Variants in SPEN observed in about 807,000 individuals in gnomAD.
SPEN encodes spen family transcriptional repressor, also known as msx2-interacting protein.
A neutral mutation model predicts 269.9 loss-of-function variants in SPEN; 18 were observed. The ratio of observed to expected loss-of-function variants is 0.07; its 90% confidence interval spans 0.05 to 0.10. The LOEUF (loss-of-function observed/expected upper bound fraction) is 0.10. Among genes scored for constraint, SPEN ranks in the 10% least tolerant of loss-of-function variants. The probability of loss-of-function intolerance (pLI) is 1.00; values close to 1 mark genes in which losing one functional copy is unlikely to be tolerated. For synonymous variants in SPEN, 1,726 were observed against 1,765.7 expected (o/e 0.98, Z 0.56); for missense variants, 3,822 against 4,631.2 (o/e 0.83, Z 5.07).
intron 3 of SPEN, among the ~76,000 whole-genome samples, chr1:15,884,024 A>T (rs571698282): frequency 1.3e-4 from 20 of 151,966 alleles, no homozygotes; most frequent in Non-Finnish European, 2.6e-4. Context: ...GTTAGCCAGG[A>T]TGGTCTCGAT....
rs761875344 is a variant in SPEN, at chr1:15,876,661, T to C, written c.864T>C (p.Ser288=). ...SSSSDSISSS[S]STSSDSSDSS... ...GTAGTGATTCAATCAGCAGCAGCAG[T>C]AGTACCAGCAGTGACAGGTAGGTTA... Residue 288 remains serine (S), a synonymous_variant, in exon 3 of 15, where the codon AGT becomes AGC. Coordinates refer to ENST00000375759, the MANE Select transcript of SPEN (RefSeq NM_015001.3). 1 of 1,612,668 alleles carries C rather than the reference T, an allele frequency of 6.2e-7. No individual in the cohort carries two copies. Among genetic ancestry groups the C allele is most frequent in the South Asian group, 1.1e-5 (1 of 91,062 alleles).
chr1:15,889,741 TCTCA>T (rs1051844445), intron 3 of SPEN, among the ~76,000 whole-genome samples: 21 of 151,998 alleles, frequency 1.4e-4, no homozygotes, highest in African/African-American at 4.6e-4. Context: ...TGAGATGGAG[TCTCA>T]CTCTGTTGCC....
At position 15,931,707 on chromosome 1, in the gene SPEN, C is replaced by G. The variant is rs895443307; in HGVS notation, c.5467C>G (p.Arg1823Gly). The change falls in exon 11 of 15, where the codon CGT (arginine) becomes GGT (glycine). Residue 1823 changes from arginine to glycine, a missense_variant. Coordinates refer to ENST00000375759, the MANE Select transcript of SPEN (RefSeq NM_015001.3). This position sits in a 1 kb window ranked among gnomAD's most constrained non-coding sequence, Gnocchi z 4.8. Reference protein sequence around the residue: ...AKDKKPNKSKRSKTPVQAAAV... With the variant: ...AKDKKPNKSKGSKTPVQAAAV... ...GGATAAAAAGCCAAACAAAAGCAAG[C>G]GTTCAAAGACCCCTGTTCAGGCAGC... is the stretch of plus-strand genomic sequence containing the variant. 1 of 1,614,134 alleles carries G rather than the reference C, an allele frequency of 6.2e-7. No individual in the cohort carries two copies. The highest frequency in any genetic ancestry group is 1.7e-5 in the Admixed American group (1 of 60,014).
At position 15,920,871 on chromosome 1, in the gene SPEN, T is replaced by G. The variant is rs1352882816; in HGVS notation, c.1637T>G (p.Val546Gly). The change falls in exon 9 of 15, where the codon GTG (valine) becomes GGG (glycine). Residue 546 changes from valine (V) to glycine (G), a missense_variant and splice_region_variant. Around this residue, in one of 16 missense-constraint regions of SPEN, gnomAD observed 230 missense variants for 426.1 expected, o/e 0.54. Coordinates refer to ENST00000375759, the MANE Select transcript of SPEN (RefSeq NM_015001.3). ...GTTTTTTGTTTGTTTGTTTTACAGG[T>G]GGTGTTTGACCGCTTAAAAGGCATG... is the stretch of plus-strand genomic sequence containing the variant. Reference protein sequence around the residue: ...HFCRYGPVVKVVFDRLKGMAL... With the variant: ...HFCRYGPVVKGVFDRLKGMAL... The G allele has an allele frequency of 6.3e-7, 1 of 1,588,502 alleles. No individual in the cohort carries two copies. The highest frequency in any genetic ancestry group is 1.4e-5 in the African/African-American group (1 of 73,926).
At chr1:15,890,783 C>A (rs1233504551) in intron 3 of SPEN, among the ~76,000 whole-genome samples, 1 of 152,172 alleles carries the variant, frequency 6.6e-6, no homozygotes, top group Non-Finnish European at 1.5e-5. Flanking sequence ...GCTCTCCATT[C>A]TTTTTCTCCC....
intron 3 of SPEN, among the ~76,000 whole-genome samples, chr1:15,885,840 C>T (rs546122956): frequency 6.6e-6 from 1 of 152,280 alleles, no homozygotes; most frequent in South Asian, 2.1e-4. Context: ...AGACAAACTG[C>T]AGAGGTCACT....
chr1:15,870,941 CTA>C (rs1438191886), intron 1 of SPEN, among the ~76,000 whole-genome samples: 2 of 152,148 alleles, frequency 1.3e-5, no homozygotes, highest in African/African-American at 4.8e-5. Flanking sequence ...GGCTAGGGAT[CTA>C]TGTTTTGTTC....
intron 1 of SPEN, among the ~76,000 whole-genome samples, chr1:15,855,641 A>C (rs2070378939): frequency 6.6e-6 from 1 of 151,946 alleles, no homozygotes; most frequent in Non-Finnish European, 1.5e-5. Context: ...GGGCGGGCGG[A>C]TCATGAGGTC....
In SPEN at chr1:15,911,093, G is replaced by T; in HGVS notation, c.1043-8G>T. ...GAATTAATAACTTGGTTTTTTTTGG[G>T]AATTTAGATACAAGCCTTAAAGATG... On this transcript the variant is annotated splice_polypyrimidine_tract_variant and splice_region_variant and intron_variant, in intron 4 of 14. Coordinates refer to ENST00000375759, the MANE Select transcript of SPEN (RefSeq NM_015001.3). 1 of 1,587,980 alleles carries T rather than the reference G, an allele frequency of 6.3e-7. No individual in the cohort carries two copies. Among genetic ancestry groups the T allele is most frequent in the South Asian group, 1.2e-5 (1 of 85,632 alleles).
chr1:15,898,558 C>CTTTTTTTCT (rs2070864564), intron 3 of SPEN, among the ~76,000 whole-genome samples: 7 of 131,960 alleles, frequency 5.3e-5, no homozygotes, highest in Non-Finnish European at 1.1e-4. Flanking sequence ...TTCTTTTTTT[C>CTTTTTTTCT]TTTTTTTTTT....
intron 1 of SPEN, among the ~76,000 whole-genome samples, chr1:15,854,567 G>A (rs768595237): frequency 2.0e-5 from 3 of 151,700 alleles, no homozygotes; most frequent in African/African-American, 7.3e-5. Context: ...GGCTCACCGC[G>A]ACCTCTGCCT....
rs1273816927 is a variant in SPEN at position 15,909,448 on chromosome 1, A to C, written c.1009A>C (p.Ile337Leu). ...EKDEPRKSFG[I>L]KVQNLPVRST... ...AGATGAGCCCCGTAAAAGTTTTGGC[A>C]TCAAGGTCCAGAATCTTCCAGTACG... Residue 337 changes from isoleucine to leucine, a missense_variant, in exon 4 of 15, where the codon ATC becomes CTC. This residue lies in a region of SPEN where 230 missense variants were observed against 426.1 expected (regional missense o/e 0.54). Transcript: ENST00000375759. 1 of 1,614,094 alleles carries C rather than the reference A, an allele frequency of 6.2e-7. No individual in the cohort carries two copies. The highest frequency in any genetic ancestry group is 8.5e-7 in the Non-Finnish European group (1 of 1,180,048).
chr1:15,891,985 T>G (rs2070793908), intron 3 of SPEN, among the ~76,000 whole-genome samples: 1 of 149,206 alleles, frequency 6.7e-6, no homozygotes, highest in Admixed American at 6.7e-5. Flanking sequence ...AGCATATTAC[T>G]ACATTAATTA....
intron 11 of SPEN, among the ~76,000 whole-genome samples, chr1:15,936,849 A>T (rs1472094468): frequency 6.6e-6 from 1 of 152,166 alleles, no homozygotes; most frequent in African/African-American, 2.4e-5. Flanking sequence ...GTCCCTAAAG[A>T]TGTTGATCTT....
intron 2 of SPEN, 22 bp downstream of exon 2, chr1:15,873,158 G>T: frequency 6.4e-7 from 1 of 1,574,016 alleles, no homozygotes; most frequent in South Asian, 1.1e-5. Context: ...GGTTTCTGTA[G>T]GCAGGTATTT....
chr1:15,904,891 CT>C (rs869308621), intron 3 of SPEN, among the ~76,000 whole-genome samples: 219 of 144,130 alleles, frequency 1.5e-3, no homozygotes, highest in Middle Eastern at 0.011. Context: ...TTGTCTCTCT[CT>C]TTTTTTTTTT....
Position 15,873,279 on chromosome 1 carries a change from A to G in SPEN, c.404+143A>G, listed in dbSNP as rs959965422. The G allele has an allele frequency of 5.7e-6, 8 of 1,400,042 alleles. No individual in the cohort carries two copies. In the East Asian group the frequency reaches 1.0e-4, roughly 18 times the overall value. The allele number at this position is 1,400,042 out of a possible 1,614,324, so 86.7% of individuals were successfully genotyped here. A position where few individuals can be genotyped will look rare whatever the true frequency, so the allele number is the denominator to read the frequency against. On this transcript the variant is annotated intron_variant, in intron 2 of 14. Coordinates refer to ENST00000375759, the MANE Select transcript of SPEN (RefSeq NM_015001.3). ...TTTGGGTTGGAAACGGAAGTGATTT[A>G]TATCCCAATGGCTGGTATCTTATGG...
At chr1:15,883,600 A>G (rs1375674514) in intron 3 of SPEN, among the ~76,000 whole-genome samples, 1 of 151,654 alleles carries the variant, frequency 6.6e-6, no homozygotes, top group African/African-American at 2.4e-5. Flanking sequence ...TTTTGGCTAA[A>G]TGGATTACAT....
At chr1:15,881,447 A>G (rs1029396718) in intron 3 of SPEN, among the ~76,000 whole-genome samples, 1 of 152,220 alleles carries the variant, frequency 6.6e-6, no homozygotes, top group Non-Finnish European at 1.5e-5. Context: ...TGTATTAAGA[A>G]TCAGATTATC....
Sources: gnomAD v4.1 joint callset for allele counts (sites outside exome capture counted in the v4.1 genomes callset) on GRCh38, gnomAD v4.1.1 for gene constraint, gnomAD v4.1.1 regional missense constraint, Gnocchi (gnomAD v3.1) non-coding constraint, MANE v1.5 for transcripts, NCBI Gene and HGNC (gene_info 2026-07-23, HGNC 2026-07-21) for gene names.